SLC25A41: variants seen among roughly 807,000 people sequenced by gnomAD.
SLC25A41 encodes mitochondrial carrier protein SCaMC-3L.
Under a neutral mutation model 34.7 loss-of-function variants are expected in SLC25A41, and 35 were observed. That is an observed-to-expected ratio of 1.01 (90% confidence interval 0.77 to 1.34). The LOEUF is 1.34. SLC25A41 is among the 40% of genes most tolerant of loss of function. SLC25A41 has a pLI of 0.00. For synonymous variants in SLC25A41, 190 were observed against 209.9 expected (o/e 0.91, Z 0.82); for missense variants, 492 against 489.8 (o/e 1.00, Z -0.04).
At chr19:6,435,147 T>G (rs2092303202), upstream of SLC25A41, among the ~76,000 whole-genome samples, 1 of 148,136 alleles carries the variant, frequency 6.8e-6, no homozygotes, top group Non-Finnish European at 1.5e-5. Context: ...TTGCTTGAGC[T>G]TGGGAGGTGG....
intron 1 of SLC25A41, among the ~76,000 whole-genome samples, chr19:6,433,127 C>A (rs188717104): frequency 1.3e-5 from 2 of 152,106 alleles, no homozygotes; most frequent in South Asian, 4.1e-4. Context: ...GGGCTCACTG[C>A]AACCTCTACC....
chr19:6,434,987 T>C (rs566020296), upstream of SLC25A41, among the ~76,000 whole-genome samples: 5 of 149,958 alleles, frequency 3.3e-5, no homozygotes, highest in African/African-American at 1.2e-4. Flanking sequence ...CTTTGGGAGG[T>C]CAAGGCAGGT....
rs766554227 is a variant in SLC25A41, at chr19:6,433,551, T to C, written c.143A>G (p.His48Arg). Reference sequence around the variant, plus strand: ...GTGGCCAAACGCGTACCCATACACGTGTGTACAGCCAGGGTTCCAGGATGG... The same window carrying C: ...GTGGCCAAACGCGTACCCATACACGCGTGTACAGCCAGGGTTCCAGGATGG... ...PPPSWNPGCT[H>R]VYGYAFGHMH... Residue 48 changes from histidine (H) to arginine (R), a missense_variant, in exon 1 of 7, where the codon CAC (histidine) becomes CGC (arginine). Transcript: ENST00000321510. 3.7e-6 allele frequency: 6 copies of C among 1,611,292 alleles called. No homozygotes were observed. Among genetic ancestry groups the C allele is most frequent in the Middle Eastern group, 1.7e-4 (1 of 5,974 alleles).
In SLC25A41 at chr19:6,427,035, A is replaced by G. The variant is rs2092245055; in HGVS notation, c.940+68T>C. 3.3e-6 allele frequency: 5 copies of G among 1,518,592 alleles called. No individual in the cohort carries two copies. Among genetic ancestry groups the G allele is most frequent in the South Asian group, 1.2e-5 (1 of 82,292 alleles). The allele number at this position is 1,518,592 out of a possible 1,614,324, so 94.1% of individuals were successfully genotyped here. A position where few individuals can be genotyped will look rare whatever the true frequency, so the allele number is the denominator to read the frequency against. On this transcript the variant is annotated intron_variant, in intron 6 of 6. Transcript: ENST00000321510. This position sits in a 1 kb window ranked among gnomAD's most constrained non-coding sequence, Gnocchi z 4.9. ...GTGCCGGACTCAGTTTTGGGGTATG[A>G]GAAAATTGAGACAGCCAGGGTGGGG...
At position 6,427,128 on chromosome 19, in the gene SLC25A41, C is replaced by G. The variant is rs1599252551; in HGVS notation, c.915G>C (p.Leu305=). 6.2e-7 allele frequency: 1 copy of G among 1,607,540 alleles called. No homozygotes were observed. Among genetic ancestry groups the G allele is most frequent in the East Asian group, 2.2e-5 (1 of 44,614 alleles). The change falls in exon 6 of 7, where the codon CTG becomes CTC. Residue 305 remains leucine, a synonymous_variant. Coordinates refer to ENST00000321510, the MANE Select transcript of SLC25A41 (RefSeq NM_173637.4). The surrounding 1 kb of genome is among the most constrained non-coding windows in gnomAD (Gnocchi z 4.9). ...CGQMASYPLT[L]VRTRMQAQDT... ...CTTGGGCCTGCATCCTGGTGCGCAC[C>G]AGAGTCAGTGGGTAGCTGGCCATCT...
chr19:6,433,066 T>C (rs2092293072), intron 1 of SLC25A41, among the ~76,000 whole-genome samples: 1 of 152,074 alleles, frequency 6.6e-6, no homozygotes, highest in African/African-American at 2.4e-5. Context: ...TCTTATTTTT[T>C]GAGACAGAAT....
chr19:6,429,141 TATA>T, intron 4 of SLC25A41, among the ~76,000 whole-genome samples: 1 of 58,090 alleles, frequency 1.7e-5, no homozygotes, highest in South Asian at 3.5e-4. Context: ...TATATATATA[TATA>T]ATATATATAT....
intron 6 of SLC25A41, 139 bp downstream of exon 6, chr19:6,426,964 G>T (rs1304331838): frequency 2.2e-6 from 2 of 908,914 alleles, no homozygotes; most frequent in Non-Finnish European, 3.2e-6. Context: ...TTTTTGAGAC[G>T]CAGTCTCAAA....
At chr19:6,429,619 A>AG in intron 4 of SLC25A41, 105 bp downstream of exon 4, 1 of 717,690 alleles carries the variant, frequency 1.4e-6, no homozygotes, top group East Asian at 3.1e-5. Context: ...AGAAAAAAGG[A>AG]GGAGAAAGGA....
rs938168811 is a variant in SLC25A41 at position 6,429,737 on chromosome 19, A to C, written c.611T>G (p.Ile204Ser). The C allele has an allele frequency of 6.3e-7, 1 of 1,596,844 alleles. No homozygotes were observed. Among genetic ancestry groups the C allele is most frequent in the Admixed American group, 1.8e-5 (1 of 54,722 alleles). Residue 204 changes from isoleucine to serine, a missense_variant, in exon 4 of 7, where the codon ATC becomes AGC. Coordinates refer to ENST00000321510, the MANE Select transcript of SLC25A41 (RefSeq NM_173637.4). ...SLAVAISQTLINPMEVLKTRL... is the reference protein window; with the variant it reads ...SLAVAISQTLSNPMEVLKTRL... ...ATGCTCTCTTACCTCCATGGGGTTG[A>C]TGAGGGTCTGGGAGATGGCCACAGC...
Position 6,427,512 on chromosome 19 carries a change from C to T in SLC25A41, c.625-11G>A, listed in dbSNP as rs760231650. On this transcript the variant is annotated splice_polypyrimidine_tract_variant and intron_variant, in intron 4 of 6. Coordinates refer to ENST00000321510, the MANE Select transcript of SLC25A41 (RefSeq NM_173637.4). This position sits in a 1 kb window ranked among gnomAD's most constrained non-coding sequence, Gnocchi z 4.9. Reference sequence around the variant, plus strand: ...CCGCGTCTTCAGCACCTGAGGATGGCGGGGAACAAGGCAGCTCATTTGATT... The same window carrying T: ...CCGCGTCTTCAGCACCTGAGGATGGTGGGGAACAAGGCAGCTCATTTGATT... 28 of 1,506,750 alleles carry T rather than the reference C, an allele frequency of 1.9e-5. No homozygotes were observed. The East Asian group carries it at 1.9e-4, about 10-fold the overall frequency. The allele number at this position is 1,506,750 out of a possible 1,614,324, so 93.3% of individuals were successfully genotyped here.
chr19:6,431,881 C>T (rs1286259132), intron 2 of SLC25A41, among the ~76,000 whole-genome samples, 168 bp downstream of exon 2: 2 of 152,110 alleles, frequency 1.3e-5, no homozygotes, highest in African/African-American at 4.8e-5. Flanking sequence ...ATGTCCACAC[C>T]AGCTCTATCA....
upstream of SLC25A41, among the ~76,000 whole-genome samples, chr19:6,435,806 A>C (rs2092308583): frequency 3.9e-5 from 6 of 152,182 alleles, 1 homozygote; most frequent in South Asian, 1.2e-3. Flanking sequence ...GCAGTGAGCT[A>C]TGATTGTGCC....
intron 4 of SLC25A41, among the ~76,000 whole-genome samples, chr19:6,429,094 G>GTTATATATATA (rs2092261861): frequency 4.2e-5 from 1 of 23,618 alleles, no homozygotes; most frequent in Non-Finnish European, 6.2e-5. Flanking sequence ...TTATATATAT[G>GTTATATATATA]TTACATATAT....
upstream of SLC25A41, among the ~76,000 whole-genome samples, chr19:6,434,848 G>T (rs1375386205): frequency 6.6e-6 from 1 of 152,126 alleles, no homozygotes; most frequent in Non-Finnish European, 1.5e-5. Context: ...GACAGAGGTT[G>T]CAGTGGGCCG....
Position 6,432,087 on chromosome 19 carries a change from C to G in SLC25A41, c.325G>C (p.Gly109Arg), listed in dbSNP as rs2092287852. The change falls in exon 2 of 7, where the codon GGC becomes CGC. Residue 109 changes from glycine to arginine, a missense_variant. Coordinates refer to ENST00000321510, the MANE Select transcript of SLC25A41 (RefSeq NM_173637.4). ...TTGGCTCTGTCCAGAGGTGCCGTGC[C>G]CGTGCGAGACACCGCCCCGGCCATA... is the stretch of plus-strand genomic sequence containing the variant. ...GAMAGAVSRT[G>R]TAPLDRAKVY... 1 of 1,613,716 alleles carries G rather than the reference C, an allele frequency of 6.2e-7. No homozygotes were observed. Among genetic ancestry groups the G allele is most frequent in the African/African-American group, 1.3e-5 (1 of 74,910 alleles).
At chr19:6,429,537 AAAG>A (rs1392074062) in intron 4 of SLC25A41, among the ~76,000 whole-genome samples, 184 bp downstream of exon 4, 3 of 7,460 alleles carry the variant, frequency 4.0e-4, no homozygotes, top group South Asian at 9.9e-3. Context: ...AAGGAGGAGG[AAAG>A]AGGAGGAGGG....
At position 6,431,585 on chromosome 19, in the gene SLC25A41, A is replaced by G. The variant is rs772111335; in HGVS notation, c.363+464T>C. Reference sequence around the variant, plus strand: ...CTCCTATGTAGCTGGGACTACAGGCACGCACCACCATGCCCGACTAATTTT... The same window carrying G: ...CTCCTATGTAGCTGGGACTACAGGCGCGCACCACCATGCCCGACTAATTTT... On this transcript the variant is annotated intron_variant, in intron 2 of 6. Transcript: ENST00000321510. Among the ~76,000 whole-genome samples, 45 of 151,866 alleles carry G rather than the reference A, an allele frequency of 3.0e-4. 1 individual carries two copies. The highest frequency in any genetic ancestry group is 1.6e-4 in the Non-Finnish European group (11 of 67,980).
At chr19:6,430,240 C>T (rs1410385655) in intron 2 of SLC25A41, 79 bp from the exon 3 acceptor site, 1 of 1,459,064 alleles carries the variant, frequency 6.9e-7, no homozygotes, top group Non-Finnish European at 9.1e-7. Flanking sequence ...CGCAGCCCCA[C>T]CGGGACCTCC....
Sources: allele counts gnomAD v4.1 joint callset (sites outside exome capture counted in the v4.1 genomes callset), GRCh38; gene constraint gnomAD v4.1.1; non-coding constraint Gnocchi (gnomAD v3.1); transcripts MANE v1.5; gene names NCBI Gene and HGNC (gene_info 2026-07-23, HGNC 2026-07-21).